Variants in ELMO1 observed in about 807,000 individuals in gnomAD.
The protein encoded by ELMO1 is engulfment and cell motility protein 1.
In ELMO1, 26 loss-of-function variants were observed where a neutral mutation model predicts 98.9. The ratio of observed to expected loss-of-function variants is 0.26; its 90% CI spans 0.19 to 0.36. ELMO1 has a LOEUF of 0.36. Ranked by LOEUF, ELMO1 falls within the 10% of genes least tolerant of loss-of-function variation. The pLI is 1.00. For missense variants in ELMO1, 627 were observed against 935.2 expected (o/e 0.67, Z 4.30); for synonymous variants, 346 against 346.0 (o/e 1.00, Z 0.00).
At chr7:37,432,860 T>A (rs1198605748) in intron 1 of ELMO1, among the ~76,000 whole-genome samples, 1 of 152,282 alleles carries the variant, frequency 6.6e-6, no homozygotes, top group Non-Finnish European at 1.5e-5. Flanking sequence ...TTCAAATGTC[T>A]ATGCCCTGTA....
At position 37,403,395 on chromosome 7, in the gene ELMO1, G is replaced by GA. The variant is rs970008163; in HGVS notation, c.-74+45279dup. 5.9e-5 allele frequency among the ~76,000 whole-genome samples: 9 copies of GA among 151,954 alleles called. No individual in the cohort carries two copies. The South Asian group carries it at 1.0e-3, about 18-fold the overall frequency. Reference sequence around the variant, plus strand: ...AACACAGTGAAATCCCCCCAACTCTGAAAAAAAATCACTGGTTTCCAGGGG... The same window carrying GA: ...AACACAGTGAAATCCCCCCAACTCTGAAAAAAAAATCACTGGTTTCCAGGGG... On this transcript the variant is annotated intron_variant, in intron 1 of 21. Coordinates refer to ENST00000310758, the MANE Select transcript of ELMO1 (RefSeq NM_014800.11).
At chr7:37,004,887 G>T (rs1792937274) in intron 16 of ELMO1, among the ~76,000 whole-genome samples, 2 of 151,930 alleles carry the variant, frequency 1.3e-5, no homozygotes, top group South Asian at 4.2e-4. Context: ...GAGACGGGTG[G>T]ATCATGAGGT....
intron 5 of ELMO1, among the ~76,000 whole-genome samples, chr7:37,259,922 C>T (rs77615121): frequency 0.014 from 2,187 of 152,290 alleles, 57 homozygotes; most frequent in African/African-American, 0.05. Context: ...CATGTTGTTT[C>T]ACATGCATTG....
chr7:37,033,024 A>C (rs1562910670), intron 15 of ELMO1, among the ~76,000 whole-genome samples: 1 of 152,212 alleles, frequency 6.6e-6, no homozygotes, highest in Non-Finnish European at 1.5e-5. Flanking sequence ...AACGCCGAGA[A>C]GCGATAAAAT....
chr7:37,120,170 T>C (rs1298181622), intron 14 of ELMO1, among the ~76,000 whole-genome samples: 1 of 152,174 alleles, frequency 6.6e-6, no homozygotes, highest in Admixed American at 6.5e-5. Flanking sequence ...GGTTCCAAGA[T>C]GGCCAAATAG....
chr7:37,270,770 G>A (rs1454091450), intron 5 of ELMO1: 1 of 151,972 alleles, frequency 6.6e-6, no homozygotes, highest in African/African-American at 2.4e-5. Context: ...AAGTTCTTAT[G>A]TAGAATCAGC....
chr7:37,321,502 G>C (rs984861574), intron 2 of ELMO1, among the ~76,000 whole-genome samples: 1 of 151,960 alleles, frequency 6.6e-6, no homozygotes, highest in Non-Finnish European at 1.5e-5. Flanking sequence ...CAGATCATGA[G>C]GTCAGGAGAT....
At chr7:37,362,480 T>C (rs1489689208) in intron 1 of ELMO1, among the ~76,000 whole-genome samples, 1 of 152,156 alleles carries the variant, frequency 6.6e-6, no homozygotes, top group East Asian at 1.9e-4. Context: ...GACTAACTAA[T>C]ACAGGGCTCA....
chr7:37,219,499 A>T (rs951079192), intron 10 of ELMO1, among the ~76,000 whole-genome samples: 2 of 152,234 alleles, frequency 1.3e-5, no homozygotes, highest in African/African-American at 4.8e-5. Flanking sequence ...AACAAAAAAC[A>T]AACAAAAAAT....
chr7:37,090,108 C>T (rs978671303), intron 15 of ELMO1, among the ~76,000 whole-genome samples: 3 of 152,148 alleles, frequency 2.0e-5, no homozygotes, highest in African/African-American at 7.2e-5. Flanking sequence ...CATCTTGCTA[C>T]CAGACACAGA....
At chr7:37,396,404 C>CA (rs987129626) in intron 1 of ELMO1, among the ~76,000 whole-genome samples, 7 of 150,540 alleles carry the variant, frequency 4.6e-5, no homozygotes, top group South Asian at 2.1e-4. Flanking sequence ...ACAAAAAAGG[C>CA]AAAAAAAATG....
intron 18 of ELMO1, among the ~76,000 whole-genome samples, chr7:36,883,001 C>G (rs1804609786): frequency 6.6e-6 from 1 of 152,046 alleles, no homozygotes; most frequent in Non-Finnish European, 1.5e-5. Context: ...AAATTTCAAC[C>G]AGGGATGGAG....
chr7:36,938,990 T>C (rs1281227944), intron 16 of ELMO1, among the ~76,000 whole-genome samples: 1 of 151,988 alleles, frequency 6.6e-6, no homozygotes, highest in Non-Finnish European at 1.5e-5. Context: ...ATCGTACAAC[T>C]GCACTCCAGC....
chr7:37,271,468 G>A, intron 5 of ELMO1: 1 of 204,888 alleles, frequency 4.9e-6, no homozygotes, highest in Non-Finnish European at 9.6e-6. Context: ...GGCTTCCCTG[G>A]GCCACAGGAA....
chr7:37,415,445 C>T (rs1804172869), intron 1 of ELMO1, among the ~76,000 whole-genome samples: 1 of 152,214 alleles, frequency 6.6e-6, no homozygotes, highest in South Asian at 2.1e-4. Context: ...GTGAGTTCAA[C>T]TCTTGGCTCT....
chr7:36,999,848 T>C (rs1376291177), intron 16 of ELMO1, among the ~76,000 whole-genome samples: 2 of 152,220 alleles, frequency 1.3e-5, no homozygotes, highest in African/African-American at 2.4e-5. Context: ...AGGCTGAGGC[T>C]GCATCTGTGG....
At chr7:37,117,397 G>A (rs572067431) in intron 14 of ELMO1, among the ~76,000 whole-genome samples, 1 of 152,236 alleles carries the variant, frequency 6.6e-6, no homozygotes, top group South Asian at 2.1e-4. Flanking sequence ...AGCACACCAC[G>A]CAGGCACTGC....
At chr7:37,279,158 C>T (rs144248324) in intron 4 of ELMO1, among the ~76,000 whole-genome samples, 7 of 151,972 alleles carry the variant, frequency 4.6e-5, no homozygotes, top group Admixed American at 3.3e-4. Flanking sequence ...GCCGAGATCA[C>T]GCCACTGCAC....
intron 16 of ELMO1, among the ~76,000 whole-genome samples, chr7:36,977,465 T>G (rs1584468489): frequency 6.6e-6 from 1 of 152,308 alleles, no homozygotes; most frequent in Admixed American, 6.5e-5. Context: ...AGTGTTCAAA[T>G]TTGGGGATAA....
Sources: allele counts gnomAD v4.1 joint callset (sites outside exome capture counted in the v4.1 genomes callset), GRCh38; gene constraint gnomAD v4.1.1; transcripts MANE v1.5; gene names NCBI Gene and HGNC (gene_info 2026-07-23, HGNC 2026-07-21).